The following FAR2 variants were observed in gnomAD, a reference collection of about 807,000 sequenced individuals.
FAR2 encodes fatty acyl-CoA reductase 2.
A neutral mutation model predicts 56.0 loss-of-function variants in FAR2; 19 were observed. That is an observed-to-expected ratio of 0.34 (90% CI 0.24 to 0.50). The LOEUF is 0.50. Ranked by LOEUF, FAR2 falls within the 20% of genes least tolerant of loss-of-function variation. The pLI, the probability that FAR2 is intolerant of heterozygous loss-of-function variation, is 0.98. For synonymous variants in FAR2, 219 were observed against 218.8 expected (o/e 1.00, Z -0.01); for missense variants, 508 against 642.2 (o/e 0.79, Z 2.26).
intron 1 of FAR2, among the ~76,000 whole-genome samples, chr12:29,242,022 T>G (rs1022839146): frequency 1.3e-5 from 2 of 152,202 alleles, no homozygotes; most frequent in Non-Finnish European, 2.9e-5. Flanking sequence ...TGGTGCTAAG[T>G]CTGAACACAG....
At chr12:29,230,700 G>A (rs756018819) in intron 1 of FAR2, among the ~76,000 whole-genome samples, 1 of 152,096 alleles carries the variant, frequency 6.6e-6, no homozygotes. Context: ...TGAAGGTAGA[G>A]CTGATGGGAT....
chr12:29,319,868 A>C (rs1412694447), intron 9 of FAR2, among the ~76,000 whole-genome samples: 4 of 152,208 alleles, frequency 2.6e-5, no homozygotes, highest in Non-Finnish European at 4.4e-5. Context: ...AAAATGAATC[A>C]ATCATTGTTT....
At chr12:29,199,468 C>T (rs1222706858) in intron 1 of FAR2, among the ~76,000 whole-genome samples, 2 of 151,574 alleles carry the variant, frequency 1.3e-5, no homozygotes, top group African/African-American at 2.4e-5. Context: ...GGCGTGGTGG[C>T]GGGTGCCTGT....
chr12:29,203,323 C>G (rs961729608), intron 1 of FAR2, among the ~76,000 whole-genome samples: 13 of 152,186 alleles, frequency 8.5e-5, no homozygotes, highest in Non-Finnish European at 1.6e-4. Context: ...AACTGCTTTG[C>G]ATTTATCGTT....
chr12:29,151,338 A>T (rs1949679858), intron 1 of FAR2: 1 of 152,204 alleles, frequency 6.6e-6, no homozygotes, highest in Non-Finnish European at 1.5e-5. Flanking sequence ...GATGAAAGCT[A>T]TGGAATATGA....
intron 1 of FAR2, among the ~76,000 whole-genome samples, chr12:29,209,813 A>G (rs572513349): frequency 1.3e-5 from 2 of 152,194 alleles, no homozygotes; most frequent in Non-Finnish European, 2.9e-5. Context: ...GCCCTGCCTC[A>G]CAATACTCAT....
At chr12:29,173,750 T>C (rs117380054) in intron 1 of FAR2, among the ~76,000 whole-genome samples, 6,896 of 152,056 alleles carry the variant, frequency 0.045, 236 homozygotes, top group South Asian at 0.13. Context: ...TTTGTTTGTT[T>C]CCCCACACCC....
At chr12:29,299,055 T>C (rs927729616) in intron 4 of FAR2, among the ~76,000 whole-genome samples, 2 of 151,580 alleles carry the variant, frequency 1.3e-5, no homozygotes, top group Non-Finnish European at 2.9e-5. Context: ...CTCTACTAAA[T>C]ACAAAAAATT....
intron 1 of FAR2, among the ~76,000 whole-genome samples, chr12:29,215,506 C>T (rs912989740): frequency 1.3e-5 from 2 of 152,070 alleles, no homozygotes; most frequent in South Asian, 2.1e-4. Context: ...AATTAAGAAA[C>T]GTATCTGTTA....
intron 10 of FAR2, among the ~76,000 whole-genome samples, chr12:29,330,756 A>G (rs1949719640): frequency 6.6e-6 from 1 of 152,204 alleles, no homozygotes; most frequent in Admixed American, 6.5e-5. Context: ...AGCCATTTTA[A>G]AGTTAACAAA....
chr12:29,243,926 AGGT>A (rs1388167956), intron 1 of FAR2, among the ~76,000 whole-genome samples: 1 of 152,250 alleles, frequency 6.6e-6, no homozygotes, highest in African/African-American at 2.4e-5. Context: ...CATACTGAAC[AGGT>A]GGTGTCTCGT....
At chr12:29,254,638 C>A (rs967084523) in intron 1 of FAR2, among the ~76,000 whole-genome samples, 3 of 152,158 alleles carry the variant, frequency 2.0e-5, no homozygotes, top group African/African-American at 7.2e-5. Context: ...CATGAAACAG[C>A]TACATTTGCT....
chr12:29,266,594 T>G (rs1948520533), intron 1 of FAR2, among the ~76,000 whole-genome samples: 1 of 151,994 alleles, frequency 6.6e-6, no homozygotes, highest in African/African-American at 2.4e-5. Flanking sequence ...CAAAACAGGG[T>G]GACTAAGTCA....
chr12:29,260,707 G>A (rs909355137), intron 1 of FAR2, among the ~76,000 whole-genome samples: 2 of 152,160 alleles, frequency 1.3e-5, no homozygotes, highest in Admixed American at 6.5e-5. Context: ...TAAGGTTCCT[G>A]TCTCCAGGCC....
At chr12:29,268,162 G>A (rs1368634366) in intron 1 of FAR2, among the ~76,000 whole-genome samples, 1 of 152,206 alleles carries the variant, frequency 6.6e-6, no homozygotes, top group Non-Finnish European at 1.5e-5. Flanking sequence ...GAGTTGGAGA[G>A]CAGGGTGTTG....
At chr12:29,221,920 C>T (rs10082744) in intron 1 of FAR2, among the ~76,000 whole-genome samples, 98,334 of 151,952 alleles carry the variant, frequency 0.65, 31,988 homozygotes, top group African/African-American at 0.7. Flanking sequence ...TGATCTTGGC[C>T]CACTACAACC....
intron 1 of FAR2, among the ~76,000 whole-genome samples, chr12:29,198,939 G>C (rs1221060801): frequency 6.6e-6 from 1 of 152,072 alleles, no homozygotes; most frequent in African/African-American, 2.4e-5. Flanking sequence ...TGTGTGCCAG[G>C]TGCTAGGCAA....
At chr12:29,157,721 A>G (rs1401315445) in intron 1 of FAR2, among the ~76,000 whole-genome samples, 1 of 152,248 alleles carries the variant, frequency 6.6e-6, no homozygotes, top group African/African-American at 2.4e-5. Context: ...GTGAGGGCAC[A>G]TTCCACAGAA....
chr12:29,172,861 A>G (rs951239257), intron 1 of FAR2, among the ~76,000 whole-genome samples: 10 of 152,190 alleles, frequency 6.6e-5, no homozygotes, highest in African/African-American at 2.2e-4. Context: ...ACACAGGTCA[A>G]CAGATGTTTT....
Sources: allele counts gnomAD v4.1 joint callset (sites outside exome capture counted in the v4.1 genomes callset), GRCh38; gene constraint gnomAD v4.1.1; transcripts MANE v1.5; gene names NCBI Gene and HGNC (gene_info 2026-07-23, HGNC 2026-07-21).